Variants in SPRY3 observed in about 807,000 individuals in gnomAD.
The protein encoded by SPRY3 is protein sprouty homolog 3.
In SPRY3, 15 loss-of-function variants were observed where a neutral mutation model predicts 20.2. The observed-to-expected ratio is 0.74, with a 90% CI of 0.50 to 1.14. The LOEUF (loss-of-function observed/expected upper bound fraction) is 1.14, where lower values mean the gene tolerates loss of function less well. Among genes scored for constraint, SPRY3 ranks in the 50% most tolerant of loss-of-function variants. The pLI is 0.00. For synonymous variants in SPRY3, 143 were observed against 136.5 expected (o/e 1.05, Z -0.33); for missense variants, 364 against 363.9 (o/e 1.00, Z 0.00).
At chrX:155,708,704 A>C (rs1200092857) in intron 2 of SPRY3, among the ~76,000 whole-genome samples, 1 of 151,494 alleles carries the variant, frequency 6.6e-6, no homozygotes, top group East Asian at 1.9e-4. Flanking sequence ...ATGGAAAATC[A>C]GTATTCACCC....
chrX:155,716,104 C>T (rs2091020393), intron 2 of SPRY3, among the ~76,000 whole-genome samples: 1 of 152,140 alleles, frequency 6.6e-6, no homozygotes. Flanking sequence ...ATTTGGTGTT[C>T]CAGCAGGGGG....
At chrX:155,621,913 C>T (rs1189785197) in intron 1 of SPRY3, among the ~76,000 whole-genome samples, 1 of 111,511 alleles carries the variant, frequency 9.0e-6, no homozygotes, top group African/African-American at 3.3e-5. Context: ...CAGAAGACCC[C>T]GACATGGGTT....
chrX:155,728,523 C>T (rs190088185), intron 2 of SPRY3, among the ~76,000 whole-genome samples: 7 of 152,298 alleles, frequency 4.6e-5, no homozygotes, highest in East Asian at 1.9e-4. Flanking sequence ...CAATGGTGGA[C>T]GCCCCTCCCC....
intron 3 of SPRY3, among the ~76,000 whole-genome samples, chrX:155,771,379 AAT>A (rs975103418): frequency 6.6e-6 from 1 of 152,124 alleles, no homozygotes; most frequent in African/African-American, 2.4e-5. Flanking sequence ...CTGTCTTTGG[AAT>A]CTCACCTGTT....
At chrX:155,622,780 C>G (rs1557349574) in intron 1 of SPRY3, among the ~76,000 whole-genome samples, 1 of 111,782 alleles carries the variant, frequency 8.9e-6, no homozygotes, top group African/African-American at 3.2e-5. Context: ...TTGAGTCAAG[C>G]AGACCAACAG....
chrX:155,723,775 C>T (rs927796080), intron 2 of SPRY3, among the ~76,000 whole-genome samples: 2 of 152,122 alleles, frequency 1.3e-5, no homozygotes, highest in Non-Finnish European at 2.9e-5. Context: ...TGTGCAGAAG[C>T]TCTTTAGTTT....
intron 2 of SPRY3, among the ~76,000 whole-genome samples, chrX:155,671,879 C>T (rs1214413580): frequency 9.0e-6 from 1 of 111,483 alleles, no homozygotes; most frequent in Non-Finnish European, 1.9e-5. Flanking sequence ...AGCAAGTTTT[C>T]CCAGCACCAT....
chrX:155,722,989 G>A (rs2091071116), intron 2 of SPRY3, among the ~76,000 whole-genome samples: 1 of 149,452 alleles, frequency 6.7e-6, no homozygotes, highest in African/African-American at 2.5e-5. Flanking sequence ...GTGTCCAAGT[G>A]TTCTCATTGT....
chrX:155,781,463 A>ATGATC (rs1236367922), downstream of SPRY3: 1 of 167,050 alleles, frequency 6.0e-6, no homozygotes, highest in Admixed American at 6.6e-5. Context: ...TATTCCATAA[A>ATGATC]TGCAGATAGT....
intron 1 of SPRY3, among the ~76,000 whole-genome samples, chrX:155,615,794 ACT>A (rs1437440103): frequency 9.0e-6 from 1 of 111,410 alleles, no homozygotes; most frequent in Non-Finnish European, 1.9e-5. Context: ...AACATTTCTG[ACT>A]CTCAACAGAA....
chrX:155,757,272 T>G (rs2091287042), intron 2 of SPRY3, among the ~76,000 whole-genome samples: 1 of 152,082 alleles, frequency 6.6e-6, no homozygotes, highest in Admixed American at 6.6e-5. Context: ...CTAGAACACA[T>G]CAAGTACATT....
intron 1 of SPRY3, among the ~76,000 whole-genome samples, chrX:155,646,352 A>G (rs1436595407): frequency 8.9e-6 from 1 of 112,261 alleles, no homozygotes; most frequent in Non-Finnish European, 1.9e-5. Context: ...TTATGGGGAT[A>G]GCATTGAATC....
chrX:155,766,932 C>G (rs1260446516), intron 2 of SPRY3, among the ~76,000 whole-genome samples: 2 of 152,094 alleles, frequency 1.3e-5, no homozygotes, highest in African/African-American at 4.8e-5. Flanking sequence ...GGGAGGAACC[C>G]TTAAACAAAG....
chrX:155,667,319 TGTGAA>T (rs2068027598), intron 2 of SPRY3, among the ~76,000 whole-genome samples: 1 of 110,934 alleles, frequency 9.0e-6, no homozygotes, highest in Non-Finnish European at 1.9e-5. Flanking sequence ...TAAATGCTGA[TGTGAA>T]GGAGCCATTT....
chrX:155,704,768 C>T (rs1282682377), intron 2 of SPRY3, among the ~76,000 whole-genome samples: 1 of 151,306 alleles, frequency 6.6e-6, no homozygotes, highest in African/African-American at 2.4e-5. Flanking sequence ...ATCCTGAAGT[C>T]AGAGAAAAGG....
At chrX:155,629,341 C>A (rs1259010348) in intron 1 of SPRY3, among the ~76,000 whole-genome samples, 5 of 110,513 alleles carry the variant, frequency 4.5e-5, no homozygotes, top group African/African-American at 1.6e-4. Flanking sequence ...TGAACTCATC[C>A]TTTTTTATGG....
intron 2 of SPRY3, among the ~76,000 whole-genome samples, chrX:155,680,067 G>C (rs1222960238): frequency 9.2e-6 from 1 of 108,896 alleles, no homozygotes; most frequent in East Asian, 2.9e-4. Flanking sequence ...AGTTCTTGCA[G>C]GGTTCAAGAT....
At chrX:155,663,134 A>G (rs1177931014) in intron 2 of SPRY3, among the ~76,000 whole-genome samples, 1 of 112,455 alleles carries the variant, frequency 8.9e-6, no homozygotes, top group Non-Finnish European at 1.9e-5. Context: ...ATGGATAAGC[A>G]ACAGCATACC....
chrX:155,684,166 G>A (rs891346216), intron 2 of SPRY3, among the ~76,000 whole-genome samples: 2 of 111,228 alleles, frequency 1.8e-5, no homozygotes, highest in Non-Finnish European at 3.8e-5. Context: ...TGACAGGGAA[G>A]AGGAAGGTTA....
Sources: gnomAD v4.1 joint callset for allele counts (sites outside exome capture counted in the v4.1 genomes callset) on GRCh38, gnomAD v4.1.1 for gene constraint, MANE v1.5 for transcripts, NCBI Gene and HGNC (gene_info 2026-07-23, HGNC 2026-07-21) for gene names.